Variants in ERAP2 observed in about 807,000 individuals in gnomAD.
The protein encoded by ERAP2 is leukocyte-derived arginine aminopeptidase.
ERAP2 carries 118 observed loss-of-function variants against 111.1 expected under a neutral mutation model. The observed-to-expected ratio is 1.06, with a 90% CI of 0.92 to 1.24. The LOEUF (loss-of-function observed/expected upper bound fraction) is 1.24, where lower values mean the gene tolerates loss of function less well. Ranked by LOEUF, ERAP2 falls within the 50% of genes most tolerant of loss-of-function variation. ERAP2 has a pLI of 0.00. For missense variants in ERAP2, 1,131 were observed against 1,125.8 expected (o/e 1.00, Z -0.07); for synonymous variants, 410 against 401.2 (o/e 1.02, Z -0.26).
intron 13 of ERAP2, among the ~76,000 whole-genome samples, chr5:96,907,647 C>T (rs1055927710): frequency 7.3e-5 from 11 of 151,476 alleles, no homozygotes; most frequent in African/African-American, 1.9e-4. Context: ...TTTGGGAGGC[C>T]GAGGCGGGTG....
chr5:96,884,068 ATCTATCTAT>A, intron 3 of ERAP2, 138 bp downstream of exon 3: 4 of 657,564 alleles, frequency 6.1e-6, no homozygotes, highest in Non-Finnish European at 7.3e-6. Flanking sequence ...CTATCTATCT[ATCTATCTAT>A]CTATCATCAT....
rs940094670 is a variant in ERAP2 at position 96,918,740 on chromosome 5, T to C, written c.*1135T>C. On this transcript the variant is annotated 3_prime_UTR_variant, in exon 19 of 19. Transcript: ENST00000437043. ...GAAAGGAATATAATTCATACACTATTGCATTTTTAATAAATCTTTTGAAAT... is the reference window on the plus strand; with the variant it reads ...GAAAGGAATATAATTCATACACTATCGCATTTTTAATAAATCTTTTGAAAT... The C allele has an allele frequency of 2.6e-5, 4 of 152,248 alleles. No individual in the cohort carries two copies. The highest frequency in any genetic ancestry group is 9.6e-5 in the African/African-American group (4 of 41,470). The allele number at this position is 152,248 out of a possible 1,614,324, so 9.4% of individuals were successfully genotyped here.
chr5:96,919,508 T>A lies in ERAP2; in HGVS notation c.*1903T>A, dbSNP rs566680304. ...TATGAGTTTCAGTAGAACTGTACCA[T>A]CAACAATGTTTCCATAAATATGCAG... On this transcript the variant is annotated 3_prime_UTR_variant, in exon 19 of 19. Coordinates refer to ENST00000437043, the MANE Select transcript of ERAP2 (RefSeq NM_022350.5). The A allele has an allele frequency of 6.6e-6, 1 of 152,346 alleles. No homozygotes were observed. The allele number at this position is 152,346 out of a possible 1,614,324, so 9.4% of individuals were successfully genotyped here.
At chr5:96,888,039 C>T (rs1340999118) in intron 4 of ERAP2, among the ~76,000 whole-genome samples, 3 of 151,490 alleles carry the variant, frequency 2.0e-5, no homozygotes, top group East Asian at 3.9e-4. Context: ...GCAGGAGAAT[C>T]GCTTGAACCC....
At chr5:96,897,217 T>C (rs1043166138) in intron 9 of ERAP2, among the ~76,000 whole-genome samples, 5 of 152,218 alleles carry the variant, frequency 3.3e-5, no homozygotes, top group Non-Finnish European at 7.3e-5. Context: ...TATTCCCCAA[T>C]GTGTATATAT....
chr5:96,904,494 G>T (rs1184808575), intron 13 of ERAP2, among the ~76,000 whole-genome samples: 3 of 152,162 alleles, frequency 2.0e-5, no homozygotes, highest in African/African-American at 7.2e-5. Flanking sequence ...AAAGAAAAGA[G>T]GAAGTGAGGC....
Position 96,892,446 on chromosome 5 carries a change from C to T in ERAP2, c.1118C>T (p.Ala373Val), listed in dbSNP as rs768571471. 3.2e-5 allele frequency: 52 copies of T among 1,613,622 alleles called. No individual in the cohort carries two copies. Among genetic ancestry groups the T allele is most frequent in the East Asian group, 6.7e-5 (3 of 44,882 alleles). Residue 373 changes from alanine to valine, a missense_variant, in exon 6 of 19, where the codon GCG becomes GTG. Transcript: ENST00000437043. ...ACCAGAGTCATAGCCCATGAACTGG[C>T]GCACCAGGTACTTGGCACTCATGAC... ...WVTRVIAHEL[A>V]HQWFGNLVTM...
intron 14 of ERAP2, 151 bp from the exon 15 acceptor site, chr5:96,909,429 C>T (rs1307975504): frequency 4.5e-6 from 3 of 672,994 alleles, no homozygotes; most frequent in Non-Finnish European, 7.6e-6. Flanking sequence ...TGGGTAACAG[C>T]CAGAAAAAGA....
In ERAP2 at chr5:96,890,504, C is replaced by A. The variant is rs533150009; in HGVS notation, c.970+1199C>A. On this transcript the variant is annotated intron_variant, in intron 5 of 18. Coordinates refer to ENST00000437043, the MANE Select transcript of ERAP2 (RefSeq NM_022350.5). ...GGTCCGCAGCCCTAGGGTTAGGGACCCCTGTTGTAGAGCATATAAAAACTG... is the reference window on the plus strand; with the variant it reads ...GGTCCGCAGCCCTAGGGTTAGGGACACCTGTTGTAGAGCATATAAAAACTG... 3.9e-5 allele frequency among the ~76,000 whole-genome samples: 6 copies of A among 152,230 alleles called. No individual in the cohort carries two copies. In the South Asian group the frequency reaches 1.2e-3, roughly 32 times the overall value.
chr5:96,901,188 GAT>G (rs1561385183), intron 10 of ERAP2, among the ~76,000 whole-genome samples: 2 of 147,120 alleles, frequency 1.4e-5, no homozygotes, highest in Non-Finnish European at 3.1e-5. Context: ...TTGTTTGTTT[GAT>G]TTTGTTTGTT....
In ERAP2 at chr5:96,903,456, G is replaced by A. The variant is rs531119057; in HGVS notation, c.1908G>A (p.Glu636=). ...ATGGTTACTACATCGTTCACTATGA[G>A]GGTCATGGATGGGACCAACTCATTA... is the stretch of plus-strand genomic sequence containing the variant. ...DSNGYYIVHY[E]GHGWDQLITQ... Residue 636 remains glutamate, a synonymous_variant, in exon 13 of 19, where the codon GAG becomes GAA. Coordinates refer to ENST00000437043, the MANE Select transcript of ERAP2 (RefSeq NM_022350.5). 1.1e-5 allele frequency: 17 copies of A among 1,614,010 alleles called. No individual in the cohort carries two copies. The Admixed American group carries it at 1.2e-4, about 11-fold the overall frequency.
At chr5:96,890,734 T>C (rs903408089) in intron 5 of ERAP2, among the ~76,000 whole-genome samples, 2 of 152,192 alleles carry the variant, frequency 1.3e-5, no homozygotes, top group Admixed American at 1.3e-4. Flanking sequence ...AAAAGCTATA[T>C]CCAGGGACTT....
chr5:96,912,604 A>G, intron 15 of ERAP2, 33 bp from the exon 16 acceptor site: 3 of 1,565,142 alleles, frequency 1.9e-6, no homozygotes, highest in Non-Finnish European at 1.7e-6. Context: ...CTTTCATAAA[A>G]CTTTTTCTTC....
chr5:96,913,363 T>C lies in ERAP2; in HGVS notation c.2563T>C (p.Leu855=), dbSNP rs1787015441. Residue 855 remains leucine (L), a synonymous_variant, in exon 17 of 19, where the codon TTG becomes CTG. Coordinates refer to ENST00000437043, the MANE Select transcript of ERAP2 (RefSeq NM_022350.5). ...MEGKVIKTQN[L]AALLHAIARR... ...AGGAAAGGTTATCAAGACACAGAAC[T>C]TGGCAGCTCTCCTTCATGCGATTGC... The C allele has an allele frequency of 6.2e-7, 1 of 1,614,140 alleles. No individual in the cohort carries two copies. Among genetic ancestry groups the C allele is most frequent in the South Asian group, 1.1e-5 (1 of 91,070 alleles).
intron 13 of ERAP2, 134 bp from the exon 14 acceptor site, chr5:96,908,827 A>C: frequency 1.1e-6 from 1 of 890,700 alleles, no homozygotes. Flanking sequence ...TGGCAGAGCT[A>C]AGATTTAAAC....
chr5:96,892,349 C>A lies in ERAP2; in HGVS notation c.1021C>A (p.Leu341Ile). 1 of 1,613,922 alleles carries A rather than the reference C, an allele frequency of 6.2e-7. No homozygotes were observed. The change falls in exon 6 of 19, where the codon CTC (leucine) becomes ATC (isoleucine). Residue 341 changes from leucine to isoleucine, a missense_variant. Transcript: ENST00000437043. ...FAPGAMENWG[L>I]ITYRETSLLF... ...ACCTGGAGCCATGGAAAATTGGGGC[C>A]TCATTACATATAGGGAGACGTCACT...
At chr5:96,896,338 A>C (rs758569634) in intron 7 of ERAP2, 35 bp from the exon 8 acceptor site, 2 of 1,559,736 alleles carry the variant, frequency 1.3e-6, no homozygotes, top group East Asian at 4.5e-5. Flanking sequence ...AGTGTCAAAT[A>C]GAAACTAAAA....
rs946685163 is a variant in ERAP2, at chr5:96,889,244, A to G, written c.909A>G (p.Ser303=). 1.5e-5 allele frequency: 25 copies of G among 1,613,982 alleles called. No homozygotes were observed. The highest frequency in any genetic ancestry group is 1.8e-5 in the Non-Finnish European group (21 of 1,179,844). The change falls in exon 5 of 19, where the codon TCA becomes TCG. Residue 303 remains serine, a synonymous_variant. Coordinates refer to ENST00000437043, the MANE Select transcript of ERAP2 (RefSeq NM_022350.5). ...RNQTHYALQA[S]LKLLDFYEKY... ...AAACACATTATGCTTTGCAGGCATCACTGAAGCTACTTGATTTTTATGAAA... is the reference window on the plus strand; with the variant it reads ...AAACACATTATGCTTTGCAGGCATCGCTGAAGCTACTTGATTTTTATGAAA...
chr5:96,912,111 AC>A (rs1436682897), intron 15 of ERAP2, among the ~76,000 whole-genome samples: 29 of 142,334 alleles, frequency 2.0e-4, no homozygotes, highest in African/African-American at 6.6e-4. Flanking sequence ...AATGGTGTGA[AC>A]CCCGGGGGGC....
Sources: allele counts gnomAD v4.1 joint callset (sites outside exome capture counted in the v4.1 genomes callset), GRCh38; gene constraint gnomAD v4.1.1; transcripts MANE v1.5; gene names NCBI Gene and HGNC (gene_info 2026-07-23, HGNC 2026-07-21).